The following RABGAP1L variants were observed in gnomAD, a reference collection of about 807,000 sequenced individuals.
RABGAP1L encodes RAB GTPase activating protein 1 like, also known as rab GTPase-activating protein 1-like.
A neutral mutation model predicts 137.7 loss-of-function variants in RABGAP1L; 63 were observed. That is an observed-to-expected ratio of 0.46 (90% CI 0.37 to 0.56). RABGAP1L has a LOEUF of 0.56. Among genes scored for constraint, RABGAP1L ranks in the 20% least tolerant of loss-of-function variants. The pLI is 0.00. For synonymous variants in RABGAP1L, 431 were observed against 433.7 expected (o/e 0.99, Z 0.08); for missense variants, 1,095 against 1,244.0 (o/e 0.88, Z 1.80).
At chr1:174,188,750 G>A (rs1349618162) in intron 1 of RABGAP1L, among the ~76,000 whole-genome samples, 1 of 152,104 alleles carries the variant, frequency 6.6e-6, no homozygotes, top group Non-Finnish European at 1.5e-5. Context: ...TCTCAACAAT[G>A]GTTTTAAAAT....
At chr1:174,215,056 A>G (rs1291689898) in intron 1 of RABGAP1L, among the ~76,000 whole-genome samples, 3 of 152,246 alleles carry the variant, frequency 2.0e-5, no homozygotes, top group African/African-American at 7.2e-5. Flanking sequence ...GAGACAACCC[A>G]CAGAATGGGA....
At chr1:174,251,670 G>A (rs1022747219) in intron 6 of RABGAP1L, among the ~76,000 whole-genome samples, 1 of 152,104 alleles carries the variant, frequency 6.6e-6, no homozygotes, top group Non-Finnish European at 1.5e-5. Context: ...TCCCTGTTAT[G>A]TATCTCTTTG....
intron 13 of RABGAP1L, among the ~76,000 whole-genome samples, chr1:174,570,868 C>T (rs1163745039): frequency 1.3e-5 from 2 of 151,986 alleles, no homozygotes; most frequent in African/African-American, 4.8e-5. Flanking sequence ...AGAGATTCCT[C>T]AAAAAACTAA....
chr1:174,519,515 G>A (rs1663177245), intron 13 of RABGAP1L, among the ~76,000 whole-genome samples: 1 of 152,022 alleles, frequency 6.6e-6, no homozygotes, highest in Non-Finnish European at 1.5e-5. Flanking sequence ...GCCTTCCCCA[G>A]CCCACTGACT....
In RABGAP1L at chr1:174,979,786, A is replaced by G. The variant is rs182325945; in HGVS notation, c.2733+896A>G. On this transcript the variant is annotated intron_variant, in intron 23 of 25. Transcript: ENST00000681986. ...CAGAAAGCCCTCTTTCCTGGTATCT[A>G]CTGGTATCTTCCTGTCCTTCCTGTT... 1.3e-5 allele frequency among the ~76,000 whole-genome samples: 2 copies of G among 152,308 alleles called. 1 individual carries two copies. Among genetic ancestry groups the G allele is most frequent in the Non-Finnish European group, 2.9e-5 (2 of 68,020 alleles).
Position 174,988,737 on chromosome 1 carries a change from A to G in RABGAP1L, c.2902A>G (p.Thr968Ala), listed in dbSNP as rs1671820790. The G allele has an allele frequency of 7.1e-6, 11 of 1,549,672 alleles. No homozygotes were observed. Among genetic ancestry groups the G allele is most frequent in the Non-Finnish European group, 9.6e-6 (11 of 1,146,562 alleles). ...AGGCAGAGAGGACCAGGGAATTGAA[A>G]CAGATGATGAGAAGGACTCACTTAA... Reference protein sequence around the residue: ...ATGREDQGIETDDEKDSLKKQ... With the variant: ...ATGREDQGIEADDEKDSLKKQ... Residue 968 changes from threonine to alanine, a missense_variant, in exon 25 of 26, where the codon ACA becomes GCA. Thr to Ala is a moderately conservative substitution (Grantham distance 58). Around this residue, in one of 4 missense-constraint regions of RABGAP1L, gnomAD observed 312 missense variants for 435.6 expected, o/e 0.72. Coordinates refer to ENST00000681986, the MANE Select transcript of RABGAP1L (RefSeq NM_001366446.1).
intron 11 of RABGAP1L, among the ~76,000 whole-genome samples, chr1:174,359,197 G>C (rs1475072200): frequency 2.0e-5 from 3 of 151,508 alleles, no homozygotes; most frequent in East Asian, 1.9e-4. Context: ...TGTTCTACTT[G>C]CAAGCCTTCT....
chr1:174,691,552 T>C (rs938538023), intron 15 of RABGAP1L, among the ~76,000 whole-genome samples: 4 of 152,264 alleles, frequency 2.6e-5, no homozygotes, highest in African/African-American at 9.6e-5. Flanking sequence ...CCATGGATGA[T>C]ATTTTGATAT....
At chr1:174,966,320 G>A (rs1250011401) in intron 20 of RABGAP1L, among the ~76,000 whole-genome samples, 1 of 152,156 alleles carries the variant, frequency 6.6e-6, no homozygotes, top group Non-Finnish European at 1.5e-5. Flanking sequence ...TCTTATCTTA[G>A]TTTCTTGAAG....
chr1:174,279,191 T>G (rs910967620), intron 10 of RABGAP1L, among the ~76,000 whole-genome samples: 1 of 152,224 alleles, frequency 6.6e-6, no homozygotes, highest in Non-Finnish European at 1.5e-5. Flanking sequence ...TAATATTAGA[T>G]AGACAATATT....
chr1:174,587,332 T>C (rs957388503), intron 13 of RABGAP1L, among the ~76,000 whole-genome samples: 1 of 149,416 alleles, frequency 6.7e-6, no homozygotes, highest in Admixed American at 6.6e-5. Flanking sequence ...TTGGGAGATA[T>C]ACTTAATGTT....
chr1:174,979,352 T>TTATAGC (rs1259753026), intron 23 of RABGAP1L, among the ~76,000 whole-genome samples: 2 of 152,214 alleles, frequency 1.3e-5, no homozygotes, highest in African/African-American at 4.8e-5. Flanking sequence ...AACTTATTAC[T>TTATAGC]TATAGCTTAT....
Position 174,565,963 on chromosome 1 carries a change from C to A in RABGAP1L, c.1711-71412C>A, listed in dbSNP as rs962909665. Among the ~76,000 whole-genome samples, 3 of 150,014 alleles carry A rather than the reference C, an allele frequency of 2.0e-5. No individual in the cohort carries two copies. In the East Asian group the frequency reaches 5.9e-4, roughly 29 times the overall value. The stretch of plus-strand genomic sequence containing the variant: ...TGCAGTGGCAATACCTTGCTCACTG[C>A]AGCCTTGACCTCCCGGCCTCAAGTG... On this transcript the variant is annotated intron_variant, in intron 13 of 25. Transcript: ENST00000681986.
At chr1:174,859,463 A>G (rs1422388274) in intron 19 of RABGAP1L, among the ~76,000 whole-genome samples, 3 of 135,180 alleles carry the variant, frequency 2.2e-5, no homozygotes, top group African/African-American at 8.5e-5. Context: ...AGCCTGGGAG[A>G]CAGAGCGAGA....
intron 13 of RABGAP1L, among the ~76,000 whole-genome samples, chr1:174,466,270 T>G (rs1657286411): frequency 1.3e-5 from 2 of 152,358 alleles, no homozygotes; most frequent in East Asian, 3.9e-4. Flanking sequence ...TTAGAAAGCT[T>G]ATGTTCCTTG....
At chr1:174,327,994 T>TACACACAC (rs1308177891) in intron 11 of RABGAP1L, among the ~76,000 whole-genome samples, 1 of 77,418 alleles carries the variant, frequency 1.3e-5, no homozygotes, top group Non-Finnish European at 2.5e-5. Flanking sequence ...CACATATATA[T>TACACACAC]ATATATATAT....
intron 15 of RABGAP1L, among the ~76,000 whole-genome samples, chr1:174,695,930 C>G (rs1679223029): frequency 6.6e-6 from 1 of 152,190 alleles, no homozygotes; most frequent in Non-Finnish European, 1.5e-5. Flanking sequence ...TTTCTCTTCT[C>G]TCACTTTCCC....
intron 18 of RABGAP1L, chr1:174,800,244 G>T: frequency 6.8e-7 from 1 of 1,462,724 alleles, no homozygotes. Flanking sequence ...CTCCCAGGGA[G>T]ACCTAAACCT....
At chr1:174,225,257 GT>G (rs924563433) in intron 3 of RABGAP1L, among the ~76,000 whole-genome samples, 2 of 151,526 alleles carry the variant, frequency 1.3e-5, no homozygotes, top group Non-Finnish European at 2.9e-5. Flanking sequence ...GTTTTTTAAA[GT>G]TTTTTTGTTT....
Sources: gnomAD v4.1 joint callset for allele counts (sites outside exome capture counted in the v4.1 genomes callset) on GRCh38, gnomAD v4.1.1 for gene constraint, gnomAD v4.1.1 regional missense constraint, MANE v1.5 for transcripts, NCBI Gene and HGNC (gene_info 2026-07-23, HGNC 2026-07-21) for gene names.